The following DLGAP2 variants were observed in gnomAD, a reference collection of about 807,000 sequenced individuals.
DLGAP2 encodes the protein disks large-associated protein 2.
In DLGAP2, 26 loss-of-function variants were observed where a neutral mutation model predicts 100.3. The observed-to-expected ratio is 0.26, with a 90% CI of 0.19 to 0.36. The LOEUF (loss-of-function observed/expected upper bound fraction) is 0.36, where lower values mean the gene tolerates loss of function less well. Among genes scored for constraint, DLGAP2 ranks in the 10% least tolerant of loss-of-function variants. The pLI, the probability that DLGAP2 is intolerant of heterozygous loss-of-function variation, is 1.00. For synonymous variants in DLGAP2, 886 were observed against 630.1 expected, an observed-to-expected ratio of 1.41 and a Z score of -6.08; for missense variants, 1,858 against 1,453.2, an observed-to-expected ratio of 1.28 and a Z score of -4.53.
At chr8:1,194,339 G>T (rs1189509670) in intron 2 of DLGAP2, among the ~76,000 whole-genome samples, 2 of 152,054 alleles carry the variant, frequency 1.3e-5, no homozygotes, top group Non-Finnish European at 2.9e-5. Context: ...GAGGGAGCCC[G>T]GATGCCTGGC....
At chr8:1,187,675 C>T (rs1797539481) in intron 2 of DLGAP2, among the ~76,000 whole-genome samples, 3 of 141,040 alleles carry the variant, frequency 2.1e-5, no homozygotes, top group Non-Finnish European at 3.1e-5. Context: ...ACCTCTGTGA[C>T]ATTTCCCTCA....
intron 13 of DLGAP2, among the ~76,000 whole-genome samples, chr8:1,695,226 C>A (rs1417356387): frequency 6.6e-6 from 1 of 150,960 alleles, no homozygotes; most frequent in Non-Finnish European, 1.5e-5. Flanking sequence ...GAAAGAGGGG[C>A]ACAGCCATGA....
chr8:1,516,939 TA>T (rs748222376), intron 4 of DLGAP2, among the ~76,000 whole-genome samples: 1 of 152,112 alleles, frequency 6.6e-6, no homozygotes, highest in Non-Finnish European at 1.5e-5. Context: ...ATAAAATACA[TA>T]AAAAATGAAG....
chr8:1,210,240 G>T (rs1265422996), intron 2 of DLGAP2, among the ~76,000 whole-genome samples: 2 of 152,164 alleles, frequency 1.3e-5, no homozygotes, highest in African/African-American at 4.8e-5. Flanking sequence ...TGACCTTCCT[G>T]GAGAGGCTGG....
At chr8:1,346,739 T>C (rs942131920) in intron 3 of DLGAP2, among the ~76,000 whole-genome samples, 47 of 142,062 alleles carry the variant, frequency 3.3e-4, no homozygotes, top group African/African-American at 1.3e-3. Flanking sequence ...AGAGCTGAAT[T>C]GCACTCACGG....
intron 3 of DLGAP2, among the ~76,000 whole-genome samples, chr8:1,342,709 A>T (rs1389075285): frequency 6.6e-6 from 1 of 152,224 alleles, no homozygotes; most frequent in Non-Finnish European, 1.5e-5. Context: ...CATTAATTGA[A>T]AATGACTAAG....
chr8:1,458,318 G>T (rs1798378843), intron 3 of DLGAP2, among the ~76,000 whole-genome samples: 1 of 152,006 alleles, frequency 6.6e-6, no homozygotes, highest in African/African-American at 2.4e-5. Flanking sequence ...TTAGTATTCT[G>T]AATAACTGAG....
At chr8:1,165,409 G>T (rs886280814) in intron 2 of DLGAP2, among the ~76,000 whole-genome samples, 1 of 152,234 alleles carries the variant, frequency 6.6e-6, no homozygotes, top group African/African-American at 2.4e-5. Context: ...TAGGGGACAG[G>T]TGCTGTGATC....
intron 3 of DLGAP2, among the ~76,000 whole-genome samples, chr8:1,386,034 C>A (rs1008078343): frequency 6.6e-6 from 1 of 152,202 alleles, no homozygotes; most frequent in South Asian, 2.1e-4. Context: ...TCTCTTGTTA[C>A]AAAAATATGG....
At chr8:780,168 C>T (rs1284515830) in intron 1 of DLGAP2, among the ~76,000 whole-genome samples, 1 of 152,186 alleles carries the variant, frequency 6.6e-6, no homozygotes, top group Non-Finnish European at 1.5e-5. Context: ...ACCTACCAGC[C>T]TGGCCCTCAC....
In DLGAP2 at chr8:1,702,726, C is replaced by G. The variant is rs1362581368; in HGVS notation, c.*1320C>G. The G allele has an allele frequency of 6.6e-6, 1 of 152,238 alleles. No homozygotes were observed. Among genetic ancestry groups the G allele is most frequent in the Admixed American group, 6.5e-5 (1 of 15,278 alleles). The allele number at this position is 152,238 out of a possible 1,614,324, so 9.4% of individuals were successfully genotyped here. On this transcript the variant is annotated 3_prime_UTR_variant, in exon 15 of 15. Coordinates refer to ENST00000637795, the MANE Select transcript of DLGAP2 (RefSeq NM_001346810.2). Reference sequence around the variant, plus strand: ...ATATAATTAAATTTAGCTGCTGCAACCATTGTTCTGACACGACTTCTGTTT... The same window carrying G: ...ATATAATTAAATTTAGCTGCTGCAAGCATTGTTCTGACACGACTTCTGTTT...
At chr8:1,283,355 C>G (rs967422569) in intron 3 of DLGAP2, among the ~76,000 whole-genome samples, 1 of 152,262 alleles carries the variant, frequency 6.6e-6, no homozygotes, top group Non-Finnish European at 1.5e-5. Flanking sequence ...ATCTGTCCCT[C>G]TTCGTCCCCT....
intron 1 of DLGAP2, among the ~76,000 whole-genome samples, chr8:889,855 G>A (rs930331506): frequency 5.9e-5 from 9 of 152,240 alleles, no homozygotes; most frequent in South Asian, 2.1e-4. Flanking sequence ...GAATCTTCAC[G>A]TTCCGGGGCT....
intron 1 of DLGAP2, among the ~76,000 whole-genome samples, chr8:781,709 T>C (rs1349853082): frequency 6.6e-6 from 1 of 152,206 alleles, no homozygotes; most frequent in African/African-American, 2.4e-5. Flanking sequence ...AACTTACTTC[T>C]TAGAGTCACA....
chr8:1,683,875 TG>T (rs1799031785), intron 12 of DLGAP2, among the ~76,000 whole-genome samples: 1 of 118,722 alleles, frequency 8.4e-6, no homozygotes, highest in Non-Finnish European at 1.7e-5. Context: ...TGTGTGTGTG[TG>T]TGTGTGTGTG....
At chr8:774,833 C>T (rs1444816028) in intron 1 of DLGAP2, among the ~76,000 whole-genome samples, 1 of 146,566 alleles carries the variant, frequency 6.8e-6, no homozygotes, top group Non-Finnish European at 1.5e-5. Context: ...GCGATGCGGG[C>T]TCTTTTTTGG....
At chr8:1,165,097 C>T (rs529899533) in intron 2 of DLGAP2, among the ~76,000 whole-genome samples, 4 of 151,222 alleles carry the variant, frequency 2.6e-5, no homozygotes, top group South Asian at 2.1e-4. Flanking sequence ...GTTTCCTTCC[C>T]TCTCAGGCCC....
intron 2 of DLGAP2, among the ~76,000 whole-genome samples, chr8:1,110,608 G>A (rs1804923359): frequency 6.6e-6 from 1 of 152,090 alleles, no homozygotes; most frequent in East Asian, 1.9e-4. Flanking sequence ...CATCTGGCAT[G>A]TGAGAGATCC....
chr8:1,318,379 C>A (rs1000518955), intron 3 of DLGAP2, among the ~76,000 whole-genome samples: 1 of 151,644 alleles, frequency 6.6e-6, no homozygotes, highest in Non-Finnish European at 1.5e-5. Flanking sequence ...TATTGTATTT[C>A]TCCCACAGGG....
Sources: allele counts gnomAD v4.1 joint callset (sites outside exome capture counted in the v4.1 genomes callset), GRCh38; gene constraint gnomAD v4.1.1; transcripts MANE v1.5; gene names NCBI Gene and HGNC (gene_info 2026-07-23, HGNC 2026-07-21).